Variants in DRICH1 observed in about 807,000 individuals in gnomAD.
DRICH1 encodes aspartate rich 1, also known as aspartate-rich protein 1.
Under a neutral mutation model 39.5 loss-of-function variants are expected in DRICH1, and 38 were observed. That is an observed-to-expected ratio of 0.96 (90% CI 0.74 to 1.26). The LOEUF (loss-of-function observed/expected upper bound fraction) is 1.26. Among genes scored for constraint, DRICH1 ranks in the 50% most tolerant of loss-of-function variants. DRICH1 has a pLI of 0.00. For synonymous variants in DRICH1, 84 were observed against 99.5 expected, an observed-to-expected ratio of 0.84 and a Z score of 0.93; for missense variants, 279 against 270.4, an observed-to-expected ratio of 1.03 and a Z score of -0.22.
At chr22:23,593,316 G>A in the DRICH1 span, among the ~76,000 whole-genome samples, 2 of 152,188 alleles carry the variant, frequency 1.3e-5, no homozygotes, top group African/African-American at 2.4e-5. Flanking sequence ...AAGAGAGAAT[G>A]AACAAACTTG....
chr22:23,581,662 T>C, the DRICH1 span: 1 of 149,776 alleles, frequency 6.7e-6, no homozygotes, highest in Non-Finnish European at 1.5e-5. Flanking sequence ...TGGAGTGCAG[T>C]GTGGCGTGAT....
At chr22:23,614,878 C>T (rs1435694899) in intron 8 of DRICH1, among the ~76,000 whole-genome samples, 1 of 152,172 alleles carries the variant, frequency 6.6e-6, no homozygotes, top group African/African-American at 2.4e-5. Context: ...TCAAACAGGC[C>T]AAGCCCACAG....
chr22:23,617,390 G>GAAGA (rs147061461), intron 7 of DRICH1, among the ~76,000 whole-genome samples, 185 bp downstream of exon 7: 4,480 of 152,202 alleles, frequency 0.029, 199 homozygotes, highest in African/African-American at 0.1. Context: ...AAAAAAACCA[G>GAAGA]AATAGGATAT....
At chr22:23,597,046 T>C in the DRICH1 span, among the ~76,000 whole-genome samples, 1 of 150,116 alleles carries the variant, frequency 6.7e-6, no homozygotes, top group Non-Finnish European at 1.5e-5. Context: ...CATGTACTAA[T>C]TGTTACATCT....
intron 1 of DRICH1, among the ~76,000 whole-genome samples, chr22:23,627,609 A>T (rs116696732): frequency 0.011 from 1,746 of 152,316 alleles, 38 homozygotes; most frequent in African/African-American, 0.039. Context: ...GACAACAATG[A>T]GAACAACATC....
At chr22:23,584,045 G>C in the DRICH1 span, among the ~76,000 whole-genome samples, 1 of 152,224 alleles carries the variant, frequency 6.6e-6, no homozygotes, top group Admixed American at 6.5e-5. Flanking sequence ...GGCAGCCTCA[G>C]ACCACATCTT....
At chr22:23,624,757 C>T (rs1172597858) in intron 3 of DRICH1, 126 bp downstream of exon 3, 6 of 1,162,210 alleles carry the variant, frequency 5.2e-6, no homozygotes, top group Non-Finnish European at 7.7e-6. Context: ...CATAATTATA[C>T]ACTCGCAGAA....
chr22:23,631,520 A>G (rs1483832461), intron 1 of DRICH1, among the ~76,000 whole-genome samples: 1 of 152,200 alleles, frequency 6.6e-6, no homozygotes, highest in Non-Finnish European at 1.5e-5. Context: ...TGGTTCCTTC[A>G]TTTAGGTACC....
intron 5 of DRICH1, among the ~76,000 whole-genome samples, chr22:23,620,214 A>G (rs532638725): frequency 3.4e-4 from 52 of 152,198 alleles, no homozygotes; most frequent in Admixed American, 7.2e-4. Flanking sequence ...CAAGCAGCAG[A>G]TATAACATGA....
intron 5 of DRICH1, 21 bp downstream of exon 5, chr22:23,620,569 AAGTG>A (rs767963809): frequency 6.2e-7 from 1 of 1,612,006 alleles, no homozygotes; most frequent in Non-Finnish European, 8.5e-7. Context: ...GTTTCTCAGA[AAGTG>A]AGTTAGTTCA....
At chr22:23,600,914 G>T in the DRICH1 span, among the ~76,000 whole-genome samples, 1 of 151,694 alleles carries the variant, frequency 6.6e-6, no homozygotes, top group African/African-American at 2.4e-5. Context: ...CCTCGTGATC[G>T]ACCCACCTCG....
chr22:23,613,601 T>G (rs1400544047), intron 10 of DRICH1, 38 bp downstream of exon 10: 1 of 1,562,076 alleles, frequency 6.4e-7, no homozygotes, highest in East Asian at 2.2e-5. Flanking sequence ...GCTAGCAAGT[T>G]TTTTCCCTCA....
the DRICH1 span, among the ~76,000 whole-genome samples, chr22:23,601,053 T>C: frequency 3.9e-5 from 6 of 152,196 alleles, no homozygotes; most frequent in Non-Finnish European, 7.3e-5. Context: ...TGAAAACTTA[T>C]GTTTAAACAA....
At chr22:23,606,669 AG>A (rs546261206), downstream of DRICH1, among the ~76,000 whole-genome samples, 43 of 151,802 alleles carry the variant, frequency 2.8e-4, 1 homozygote, top group South Asian at 8.8e-3. Context: ...GGAAGAGCGG[AG>A]GGTCTCCTGG....
In DRICH1 at chr22:23,615,789, G is replaced by T. The variant is rs111905944; in HGVS notation, c.541+1064C>A. ...CAAATACAGAAATTCAGACAGCATG[G>T]TTCTAGCATGGGGGCACTCATAAGT... On this transcript the variant is annotated intron_variant, in intron 8 of 11. Transcript: ENST00000317749. Among the ~76,000 whole-genome samples, 388 of 152,272 alleles carry T rather than the reference G, an allele frequency of 2.5e-3. 3 individuals are homozygous for T. The highest frequency in any genetic ancestry group is 8.9e-3 in the African/African-American group (369 of 41,554).
At chr22:23,599,336 G>A in the DRICH1 span, among the ~76,000 whole-genome samples, 1 of 152,146 alleles carries the variant, frequency 6.6e-6, no homozygotes, top group Non-Finnish European at 1.5e-5. Flanking sequence ...TATGCACCCC[G>A]CAGGGCCCTG....
the DRICH1 span, among the ~76,000 whole-genome samples, chr22:23,597,914 CT>C: frequency 6.6e-6 from 1 of 151,832 alleles, no homozygotes; most frequent in Non-Finnish European, 1.5e-5. Context: ...CCACATCTGT[CT>C]TGTTTTTCTC....
At chr22:23,604,407 A>T (rs377360427), downstream of DRICH1, among the ~76,000 whole-genome samples, 197 of 152,206 alleles carry the variant, frequency 1.3e-3, no homozygotes, top group African/African-American at 4.6e-3. Context: ...TCCTGCAAGC[A>T]TCACACTGCA....
the DRICH1 span, among the ~76,000 whole-genome samples, chr22:23,599,845 G>T: frequency 6.6e-6 from 1 of 152,118 alleles, no homozygotes; most frequent in African/African-American, 2.4e-5. Flanking sequence ...CTCTGTACTG[G>T]GCAGGGACAA....
Sources: gnomAD v4.1 joint callset for allele counts (sites outside exome capture counted in the v4.1 genomes callset) on GRCh38, gnomAD v4.1.1 for gene constraint, MANE v1.5 for transcripts, NCBI Gene and HGNC (gene_info 2026-07-23, HGNC 2026-07-21) for gene names.